Variants in RBFOX1 observed in about 807,000 individuals in gnomAD.
The protein encoded by RBFOX1 is RNA binding fox-1 homolog 1, also known as RNA binding protein fox-1 homolog 1.
A neutral mutation model predicts 57.7 loss-of-function variants in RBFOX1; 8 were observed. That is an observed-to-expected ratio of 0.14 (90% CI 0.08 to 0.25). RBFOX1 has a LOEUF of 0.25. Among genes scored for constraint, RBFOX1 ranks in the 10% least tolerant of loss-of-function variants. The pLI, the probability that RBFOX1 is intolerant of heterozygous loss-of-function variation, is 1.00. For missense variants in RBFOX1, 611 were observed against 548.5 expected, an observed-to-expected ratio of 1.11 and a Z score of -1.14; for synonymous variants, 326 against 222.4, an observed-to-expected ratio of 1.47 and a Z score of -4.15.
chr16:7,168,328 A>G (rs539099606), intron 4 of RBFOX1, among the ~76,000 whole-genome samples: 1 of 152,132 alleles, frequency 6.6e-6, no homozygotes, highest in East Asian at 1.9e-4. Context: ...TGAGACATAA[A>G]GGAAGTGAAA....
chr16:6,867,288 A>G (rs1010508728), intron 3 of RBFOX1, among the ~76,000 whole-genome samples: 15 of 151,770 alleles, frequency 9.9e-5, no homozygotes, highest in Admixed American at 3.9e-4. Flanking sequence ...TGGAGGAGAG[A>G]TCCATCCATA....
chr16:5,459,510 C>T (rs144664067), intron 1 of RBFOX1, among the ~76,000 whole-genome samples: 1 of 152,152 alleles, frequency 6.6e-6, no homozygotes, highest in Non-Finnish European at 1.5e-5. Flanking sequence ...AACCGCCTGA[C>T]CACTCTAAAT....
chr16:5,947,778 T>C lies in RBFOX1; in HGVS notation c.351+80443T>C, dbSNP rs1483327653. Among the ~76,000 whole-genome samples, 1 of 152,340 alleles carries C rather than the reference T, an allele frequency of 6.6e-6. No individual in the cohort carries two copies. The highest frequency in any genetic ancestry group is 2.4e-5 in the African/African-American group (1 of 41,578). The stretch of plus-strand genomic sequence containing the variant: ...GTGTCTCCACCTAACAGTGCAAGGA[T>C]ACAGCTGCCCTTGGTATTCTTCATG... On this transcript the variant is annotated intron_variant, in intron 4 of 19. Coordinates refer to the RBFOX1 transcript ENST00000641259. The surrounding 1 kb of genome is among the most constrained non-coding windows in gnomAD (Gnocchi z 7.2).
intron 1 of RBFOX1, among the ~76,000 whole-genome samples, chr16:6,022,959 T>A (rs2095112565): frequency 6.6e-6 from 1 of 151,974 alleles, no homozygotes; most frequent in South Asian, 2.1e-4. Flanking sequence ...TGTCAAGGAG[T>A]TATTTACCTT....
intron 3 of RBFOX1, among the ~76,000 whole-genome samples, chr16:6,720,075 C>T (rs1201621213): frequency 6.6e-6 from 1 of 151,956 alleles, no homozygotes; most frequent in Non-Finnish European, 1.5e-5. Context: ...CCCTGGGCGA[C>T]AGTGTGAGAC....
intron 1 of RBFOX1, among the ~76,000 whole-genome samples, chr16:5,461,738 C>G (rs964678652): frequency 1.3e-5 from 2 of 152,096 alleles, no homozygotes; most frequent in Non-Finnish European, 2.9e-5. Context: ...GAGGAGATAG[C>G]CTGCTGGCAG....
chr16:6,413,645 T>C (rs940680430), intron 2 of RBFOX1, among the ~76,000 whole-genome samples: 1 of 152,172 alleles, frequency 6.6e-6, no homozygotes, highest in Non-Finnish European at 1.5e-5. Context: ...AGATTCTAAA[T>C]AAAGAGTGCA....
In RBFOX1 at chr16:5,947,723, T is replaced by C. The variant is rs1040160417; in HGVS notation, c.351+80388T>C. Among the ~76,000 whole-genome samples, 1 of 152,192 alleles carries C rather than the reference T, an allele frequency of 6.6e-6. No homozygotes were observed. Among genetic ancestry groups the C allele is most frequent in the Non-Finnish European group, 1.5e-5 (1 of 68,040 alleles). On this transcript the variant is annotated intron_variant, in intron 4 of 19. Coordinates refer to the RBFOX1 transcript ENST00000641259. The surrounding 1 kb of genome is among the most constrained non-coding windows in gnomAD (Gnocchi z 7.2). The stretch of plus-strand genomic sequence containing the variant: ...TGGGGTTAGGGATTTCTGCACCCTT[T>C]TTACTATGTCCAGGAACATTCTTAA...
intron 3 of RBFOX1, among the ~76,000 whole-genome samples, chr16:6,899,318 A>C (rs1677864810): frequency 6.6e-6 from 1 of 152,142 alleles, no homozygotes; most frequent in Non-Finnish European, 1.5e-5. Context: ...TGTATGTTTC[A>C]GGGTTTCCTT....
At chr16:6,165,805 C>A (rs1410129186) in intron 1 of RBFOX1, among the ~76,000 whole-genome samples, 1 of 152,188 alleles carries the variant, frequency 6.6e-6, no homozygotes, top group Non-Finnish European at 1.5e-5. Context: ...GAAATCTGAG[C>A]TGTCTGATCA....
At chr16:5,353,472 TAA>T (rs1165991743) in intron 1 of RBFOX1, among the ~76,000 whole-genome samples, 1 of 152,142 alleles carries the variant, frequency 6.6e-6, no homozygotes, top group African/African-American at 2.4e-5. Flanking sequence ...TTGACATTTT[TAA>T]ACAGTCCAGT....
chr16:6,734,944 G>C (rs368561650), intron 3 of RBFOX1, among the ~76,000 whole-genome samples: 46 of 152,250 alleles, frequency 3.0e-4, no homozygotes, highest in African/African-American at 1.1e-3. Context: ...GTTTAAGACT[G>C]GCATGGGCAA....
At chr16:6,336,931 C>G (rs1250000379) in intron 2 of RBFOX1, among the ~76,000 whole-genome samples, 1 of 152,194 alleles carries the variant, frequency 6.6e-6, no homozygotes, top group Non-Finnish European at 1.5e-5. Context: ...TATTGGCAAT[C>G]TACTATCTGC....
chr16:6,737,819 A>G (rs1327663699), intron 3 of RBFOX1, among the ~76,000 whole-genome samples: 1 of 152,120 alleles, frequency 6.6e-6, no homozygotes, highest in Non-Finnish European at 1.5e-5. Context: ...CATTTAGTTA[A>G]CTCCTTTTAT....
At chr16:5,342,714 C>T (rs1194239948) in intron 1 of RBFOX1, among the ~76,000 whole-genome samples, 1 of 152,130 alleles carries the variant, frequency 6.6e-6, no homozygotes, top group African/African-American at 2.4e-5. Flanking sequence ...CCTACCTGTA[C>T]CCCAAAGCTC....
intron 1 of RBFOX1, among the ~76,000 whole-genome samples, chr16:5,330,891 C>T (rs2064736296): frequency 6.6e-6 from 1 of 152,072 alleles, no homozygotes; most frequent in Admixed American, 6.6e-5. Flanking sequence ...TGGTCCAATT[C>T]AGGTTTTTTT....
chr16:5,391,459 TAA>T (rs2066405072), intron 1 of RBFOX1, among the ~76,000 whole-genome samples: 1 of 152,180 alleles, frequency 6.6e-6, no homozygotes, highest in Admixed American at 6.5e-5. Flanking sequence ...ACTCCACATG[TAA>T]GGTCCCTTGG....
chr16:5,750,210 C>T (rs1042171853), intron 3 of RBFOX1, among the ~76,000 whole-genome samples: 7 of 152,108 alleles, frequency 4.6e-5, no homozygotes, highest in East Asian at 1.9e-4. Context: ...TGTTGCTGCC[C>T]GATCATTCCT....
chr16:6,470,357 A>G (rs1481726462), intron 2 of RBFOX1, among the ~76,000 whole-genome samples: 1 of 152,214 alleles, frequency 6.6e-6, no homozygotes. Context: ...TGGATATTAA[A>G]TGTGTGACTA....
Sources: allele counts gnomAD v4.1 joint callset (sites outside exome capture counted in the v4.1 genomes callset), GRCh38; gene constraint gnomAD v4.1.1; non-coding constraint Gnocchi (gnomAD v3.1); transcripts MANE v1.5; gene names NCBI Gene and HGNC (gene_info 2026-07-23, HGNC 2026-07-21).